GVQW3: variants seen among roughly 807,000 people sequenced by gnomAD.
GVQW3 encodes the protein protein GVQW3.
GVQW3 carries 7 observed loss-of-function variants against 12.5 expected under a neutral mutation model. The ratio of observed to expected loss-of-function variants is 0.56; its 90% CI spans 0.32 to 1.05. The LOEUF is 1.05. Ranked by LOEUF, GVQW3 falls within the 50% of genes least tolerant of loss-of-function variation. GVQW3 has a pLI of 0.04. For synonymous variants in GVQW3, 71 were observed against 67.2 expected, an observed-to-expected ratio of 1.06 and a Z score of -0.28; for missense variants, 188 against 190.8, an observed-to-expected ratio of 0.99 and a Z score of 0.09.
intron 1 of GVQW3, chr11:76,392,591 C>A (rs1056893755): frequency 6.6e-6 from 1 of 152,160 alleles, no homozygotes; most frequent in Non-Finnish European, 1.5e-5. Context: ...AATGTACATT[C>A]TTATGATATC....
intron 1 of GVQW3, among the ~76,000 whole-genome samples, chr11:76,384,256 T>C (rs1946808838): frequency 6.6e-6 from 1 of 152,244 alleles, no homozygotes; most frequent in African/African-American, 2.4e-5. Context: ...CAGTTACTTT[T>C]AGTGCTGTTC....
rs1270660019 is a variant in GVQW3 at position 76,406,572 on chromosome 11, AC to A, written c.*2815del. 4.6e-5 allele frequency: 7 copies of A among 152,216 alleles called. No homozygotes were observed. The highest frequency in any genetic ancestry group is 2.0e-4 in the Admixed American group (3 of 15,270). 9.4% of individuals were successfully genotyped at this position (152,216 alleles called of 1,614,324 possible). A position where few individuals can be genotyped will look rare whatever the true frequency, so the allele number is the denominator to read the frequency against. On this transcript the variant is annotated 3_prime_UTR_variant, in exon 2 of 2. Coordinates refer to ENST00000529331, the MANE Select transcript of GVQW3 (RefSeq NM_001347885.2). ...CTTCTCATCTCACGAATTTCAAGTG[AC>A]TTTTGACTATTGCCAAAAATCAAAA...
At chr11:76,402,806 C>T (rs1337223359) in intron 1 of GVQW3, among the ~76,000 whole-genome samples, 1 of 152,004 alleles carries the variant, frequency 6.6e-6, no homozygotes, top group Non-Finnish European at 1.5e-5. Context: ...AATTGATCCT[C>T]CAGCCTCAGA....
At position 76,381,941 on chromosome 11, in the gene GVQW3, T is replaced by C. The variant is rs776793467; in HGVS notation, c.113T>C (p.Met38Thr). 3 of 1,536,404 alleles carry C rather than the reference T, an allele frequency of 2.0e-6. No homozygotes were observed. Among genetic ancestry groups the C allele is most frequent in the Non-Finnish European group, 2.6e-6 (3 of 1,146,978 alleles). The change falls in exon 1 of 2, where the codon ATG (methionine) becomes ACG (threonine). Residue 38 changes from methionine (M) to threonine (T), a missense_variant. Transcript: ENST00000529331. ...AAAGAAGCTTATGGGGATGAAGTCA[T>C]GTCAAGGGCCAGAGTTTTTGACTGG... Reference protein sequence around the residue: ...LLKEAYGDEVMSRARVFDWHK... With the variant: ...LLKEAYGDEVTSRARVFDWHK...
In GVQW3 at chr11:76,387,201, C is replaced by T. The variant is rs185872118; in HGVS notation, c.465+4908C>T. 1.8e-3 allele frequency among the ~76,000 whole-genome samples: 264 copies of T among 150,400 alleles called. 1 individual carries two copies. Among genetic ancestry groups the T allele is most frequent in the African/African-American group, 6.3e-3 (259 of 40,948 alleles). ...CTGTAATCCCAGCACTTTGGGAGGC[C>T]GAGGCGGGTGGATCACCTGAGGTCA... On this transcript the variant is annotated intron_variant, in intron 1 of 1. Transcript: ENST00000529331.
At chr11:76,394,009 G>A (rs535085019) in intron 1 of GVQW3, among the ~76,000 whole-genome samples, 12 of 151,848 alleles carry the variant, frequency 7.9e-5, no homozygotes, top group East Asian at 3.9e-4. Flanking sequence ...AGCGATTTTC[G>A]TGCTTCAGCC....
At chr11:76,408,891 G>T (rs1441524378), downstream of GVQW3, among the ~76,000 whole-genome samples, 1 of 152,184 alleles carries the variant, frequency 6.6e-6, no homozygotes, top group Non-Finnish European at 1.5e-5. Context: ...AATTCTTAGA[G>T]AAGCTCAAGA....
intron 1 of GVQW3, among the ~76,000 whole-genome samples, chr11:76,386,779 T>C (rs1471839073): frequency 8.5e-5 from 13 of 152,158 alleles, no homozygotes; most frequent in Non-Finnish European, 8.8e-5. Context: ...GAGGTAACCA[T>C]CATGTATTTA....
chr11:76,396,594 C>T (rs949537165), intron 1 of GVQW3, among the ~76,000 whole-genome samples: 24 of 152,276 alleles, frequency 1.6e-4, no homozygotes, highest in African/African-American at 5.1e-4. Context: ...AGATTACAGG[C>T]ATGAGCCACC....
At position 76,405,400 on chromosome 11, in the gene GVQW3, G is replaced by C. The variant is rs898033099; in HGVS notation, c.*1642G>C. On this transcript the variant is annotated 3_prime_UTR_variant, in exon 2 of 2. Transcript: ENST00000529331. The stretch of plus-strand genomic sequence containing the variant: ...TAAGCATTAGCTATTTGGCGTGCCT[G>C]TGTGTGTTTGTGTGTCTGCGTGTGG... 1 of 152,216 alleles carries C rather than the reference G, an allele frequency of 6.6e-6. No homozygotes were observed. The highest frequency in any genetic ancestry group is 1.5e-5 in the Non-Finnish European group (1 of 68,062). The allele number at this position is 152,216 out of a possible 1,614,324, so 9.4% of individuals were successfully genotyped here. A position where few individuals can be genotyped will look rare whatever the true frequency, so the allele number is the denominator to read the frequency against.
rs7113820 is a variant in GVQW3 at position 76,404,187 on chromosome 11, G to A, written c.*429G>A. On this transcript the variant is annotated 3_prime_UTR_variant, in exon 2 of 2. Coordinates refer to ENST00000529331, the MANE Select transcript of GVQW3 (RefSeq NM_001347885.2). ...GTGAGAAAGAGGGAAGGAATAGAAC[G>A]AGGAGTTCAATCTGTGACTGACAGT... The A allele has an allele frequency of 0.23, 94,982 of 408,570 alleles. 11,709 individuals are homozygous for A. The highest frequency in any genetic ancestry group is 0.36 in the Admixed American group (8,327 of 23,204). The allele number at this position is 408,570 out of a possible 1,614,324, so 25.3% of individuals were successfully genotyped here.
At chr11:76,399,385 A>C (rs933194597) in intron 1 of GVQW3, among the ~76,000 whole-genome samples, 2 of 151,656 alleles carry the variant, frequency 1.3e-5, no homozygotes, top group Non-Finnish European at 2.9e-5. Flanking sequence ...CAAATGATCC[A>C]CCCACCTCGG....
intron 1 of GVQW3, among the ~76,000 whole-genome samples, chr11:76,398,533 G>C (rs565656136): frequency 2.0e-5 from 3 of 152,066 alleles, no homozygotes; most frequent in Non-Finnish European, 4.4e-5. Context: ...GGGTGATCTC[G>C]AACTCCTGAG....
At chr11:76,392,987 G>A (rs989187721) in intron 1 of GVQW3, 2 of 152,080 alleles carry the variant, frequency 1.3e-5, no homozygotes, top group African/African-American at 4.8e-5. Context: ...CACATAATAA[G>A]GACTTATATC....
chr11:76,389,044 T>A (rs926709103), intron 1 of GVQW3, among the ~76,000 whole-genome samples: 1 of 152,190 alleles, frequency 6.6e-6, no homozygotes, highest in Admixed American at 6.5e-5. Flanking sequence ...GTGGGCAAAA[T>A]CAAGGCTTGA....
In GVQW3 at chr11:76,403,982, G is replaced by T. The variant is rs906706243; in HGVS notation, c.*224G>T. ...GGGAGGGCTGCCTCTTCATTACTCG[G>T]TCTACCAATTCAAATGCTAATCTCT... On this transcript the variant is annotated 3_prime_UTR_variant, in exon 2 of 2. Transcript: ENST00000529331. 5 of 676,874 alleles carry T rather than the reference G, an allele frequency of 7.4e-6. No individual in the cohort carries two copies. Among genetic ancestry groups the T allele is most frequent in the Admixed American group, 2.1e-5 (1 of 48,310 alleles). The allele number at this position is 676,874 out of a possible 1,614,324, so 41.9% of individuals were successfully genotyped here. A position where few individuals can be genotyped will look rare whatever the true frequency, so the allele number is the denominator to read the frequency against.
At position 76,403,860 on chromosome 11, in the gene GVQW3, A is replaced by G; in HGVS notation, c.*102A>G. ...TGCTGATGTACAAGGGCAGGAGAAGATGGATGTCACAGCTCAAGAAGCGAG... is the reference window on the plus strand; with the variant it reads ...TGCTGATGTACAAGGGCAGGAGAAGGTGGATGTCACAGCTCAAGAAGCGAG... On this transcript the variant is annotated 3_prime_UTR_variant, in exon 2 of 2. Coordinates refer to ENST00000529331, the MANE Select transcript of GVQW3 (RefSeq NM_001347885.2). The G allele has an allele frequency of 1.4e-6, 1 of 698,892 alleles. No homozygotes were observed. Among genetic ancestry groups the G allele is most frequent in the Non-Finnish European group, 2.6e-6 (1 of 382,658 alleles). 43.3% of individuals were successfully genotyped at this position (698,892 alleles called of 1,614,324 possible). A position where few individuals can be genotyped will look rare whatever the true frequency, so the allele number is the denominator to read the frequency against.
rs187931530 is a variant in GVQW3, at chr11:76,382,116, G to C, written c.288G>C (p.Glu96Asp). ...RQLTVRMMAE[E>D]LNLDKETVRL... Reference sequence around the variant, plus strand: ...TAACCGTGAGGATGATGGCTGAAGAGTTAAATTTAGACAAAGAAACTGTTA... The same window carrying C: ...TAACCGTGAGGATGATGGCTGAAGACTTAAATTTAGACAAAGAAACTGTTA... Residue 96 changes from glutamate (E) to aspartate (D), a missense_variant, in exon 1 of 2, where the codon GAG becomes GAC. Coordinates refer to ENST00000529331, the MANE Select transcript of GVQW3 (RefSeq NM_001347885.2). 743 of 1,536,494 alleles carry C rather than the reference G, an allele frequency of 4.8e-4. 4 individuals are homozygous for C. The highest frequency in any genetic ancestry group is 2.0e-3 in the Middle Eastern group (12 of 5,992).
intron 1 of GVQW3, among the ~76,000 whole-genome samples, chr11:76,391,234 G>T (rs61346640): frequency 0.03 from 4,521 of 152,286 alleles, 213 homozygotes; most frequent in African/African-American, 0.1. Context: ...GCCTAAACAC[G>T]GTTGATAAAT....
Sources: allele counts gnomAD v4.1 joint callset (sites outside exome capture counted in the v4.1 genomes callset), GRCh38; gene constraint gnomAD v4.1.1; transcripts MANE v1.5; gene names NCBI Gene and HGNC (gene_info 2026-07-23, HGNC 2026-07-21).